CDH4: variants seen among roughly 807,000 people sequenced by gnomAD.
The protein encoded by CDH4 is cadherin 4.
In CDH4, 33 loss-of-function variants were observed where a neutral mutation model predicts 86.0. The observed-to-expected ratio is 0.38, with a 90% CI of 0.29 to 0.51. CDH4 has a LOEUF of 0.51. Ranked by LOEUF, CDH4 falls within the 20% of genes least tolerant of loss-of-function variation. The pLI, the probability that CDH4 is intolerant of heterozygous loss-of-function variation, is 0.86. For synonymous variants in CDH4, 555 were observed against 549.4 expected, an observed-to-expected ratio of 1.01 and a Z score of -0.14; for missense variants, 1,114 against 1,307.4, an observed-to-expected ratio of 0.85 and a Z score of 2.28.
At chr20:61,589,879 C>T (rs2086505163) in intron 2 of CDH4, among the ~76,000 whole-genome samples, 1 of 150,510 alleles carries the variant, frequency 6.6e-6, no homozygotes, top group Non-Finnish European at 1.5e-5. Flanking sequence ...CCAGACATTG[C>T]GTGGACAAAC....
In CDH4 at chr20:61,760,036, G is replaced by A. The variant is rs147324332; in HGVS notation, c.397-12967G>A. 3.3e-5 allele frequency among the ~76,000 whole-genome samples: 5 copies of A among 152,302 alleles called. No individual in the cohort carries two copies. In the East Asian group the frequency reaches 9.6e-4, roughly 29 times the overall value. On this transcript the variant is annotated intron_variant, in intron 3 of 15. Transcript: ENST00000614565. The stretch of plus-strand genomic sequence containing the variant: ...AACATTCTGGAACCTCCTTTCTTCT[G>A]CTAGACAGAAATACTTATCAACACC...
intron 2 of CDH4, among the ~76,000 whole-genome samples, chr20:61,270,991 C>T (rs763950657): frequency 3.3e-5 from 5 of 152,104 alleles, no homozygotes; most frequent in East Asian, 1.9e-4. Context: ...TTGGACCCTA[C>T]GGGGCAATGT....
At chr20:61,851,722 C>T (rs978279156) in intron 5 of CDH4, among the ~76,000 whole-genome samples, 1 of 152,176 alleles carries the variant, frequency 6.6e-6, no homozygotes, top group African/African-American at 2.4e-5. Flanking sequence ...CCTCGCCTGC[C>T]GGCAGCGCCC....
At chr20:61,409,956 A>G (rs2085107667) in intron 2 of CDH4, among the ~76,000 whole-genome samples, 1 of 152,140 alleles carries the variant, frequency 6.6e-6, no homozygotes, top group East Asian at 1.9e-4. Context: ...CAACTTCACC[A>G]CTTCTCCCAG....
chr20:61,562,334 C>T (rs1229472193), intron 2 of CDH4, among the ~76,000 whole-genome samples: 3 of 134,848 alleles, frequency 2.2e-5, no homozygotes, highest in Non-Finnish European at 1.6e-5. Flanking sequence ...AGGTGGACCC[C>T]AGGGCTCCCG....
chr20:61,666,318 A>C (rs1040237322), intron 2 of CDH4, among the ~76,000 whole-genome samples: 2 of 152,192 alleles, frequency 1.3e-5, no homozygotes, highest in Non-Finnish European at 2.9e-5. Flanking sequence ...ACGAACTTGA[A>C]ATTCACCTGA....
At chr20:61,268,395 G>T (rs759102809) in intron 2 of CDH4, among the ~76,000 whole-genome samples, 2 of 152,280 alleles carry the variant, frequency 1.3e-5, no homozygotes, top group Non-Finnish European at 2.9e-5. Context: ...ACACGGGGAG[G>T]CCCAGGCCAA....
intron 7 of CDH4, among the ~76,000 whole-genome samples, chr20:61,884,877 G>A (rs1313368268): frequency 6.6e-6 from 1 of 152,164 alleles, no homozygotes; most frequent in Non-Finnish European, 1.5e-5. Flanking sequence ...CCTGTAGCGG[G>A]AGGTGCGGGG....
At position 61,729,858 on chromosome 20, in the gene CDH4, G is replaced by A. The variant is rs545045175; in HGVS notation, c.170-13705G>A. Among the ~76,000 whole-genome samples the A allele has an allele frequency of 2.8e-3, 430 of 152,316 alleles. 2 individuals are homozygous for A. Among genetic ancestry groups the A allele is most frequent in the Non-Finnish European group, 4.4e-3 (297 of 68,028 alleles). ...GGGAGACGCAAGTTTAATATTTCCT[G>A]CCATAAATGAGACGGCAAGAGAGAG... On this transcript the variant is annotated intron_variant, in intron 2 of 15. Coordinates refer to ENST00000614565, the MANE Select transcript of CDH4 (RefSeq NM_001794.5).
chr20:61,331,913 T>A (rs2084583245), intron 2 of CDH4, among the ~76,000 whole-genome samples: 1 of 152,158 alleles, frequency 6.6e-6, no homozygotes, highest in Admixed American at 6.5e-5. Flanking sequence ...AAGCGTGTGT[T>A]GAGGGCATGA....
In CDH4 at chr20:61,923,146, C is replaced by T. The variant is rs149077399; in HGVS notation, c.1375-305C>T. 7.3e-3 allele frequency among the ~76,000 whole-genome samples: 1,112 copies of T among 152,298 alleles called. 3 individuals carry two copies. The highest frequency in any genetic ancestry group is 0.012 in the Non-Finnish European group (801 of 68,030). On this transcript the variant is annotated intron_variant, in intron 9 of 15. Transcript: ENST00000614565. ...GGGTTACCAGGCCAGGAAGAGGGGC[C>T]GCCCAGCGGGGGCTGCAGCCCCCCC... is the stretch of plus-strand genomic sequence containing the variant.
At chr20:61,707,921 C>G (rs1290890938) in intron 2 of CDH4, among the ~76,000 whole-genome samples, 1 of 152,134 alleles carries the variant, frequency 6.6e-6, no homozygotes, top group East Asian at 1.9e-4. Context: ...GTGTTTGTTT[C>G]CACGTTATGC....
chr20:61,553,514 G>T (rs938994085), intron 2 of CDH4, among the ~76,000 whole-genome samples: 1 of 152,226 alleles, frequency 6.6e-6, no homozygotes, highest in Non-Finnish European at 1.5e-5. Context: ...ATAAAGACGT[G>T]TGAACATCCT....
Position 61,565,366 on chromosome 20 carries a change from G to GTGGTGGTGGTCCTCTTGGTGATGGGGTGA in CDH4, c.170-178187_170-178159dup, listed in dbSNP as rs2086286629. On this transcript the variant is annotated intron_variant, in intron 2 of 15. Transcript: ENST00000614565. Reference sequence around the variant, plus strand: ...TGGTCCTCTTGGTGATGGGGTGATGGTGGTGGTGGTCCTCTTGGTGATGGG... The same window carrying GTGGTGGTGGTCCTCTTGGTGATGGGGTGA: ...TGGTCCTCTTGGTGATGGGGTGATGGTGGTGGTGGTCCTCTTGGTGATGGGGTGATGGTGGTGGTCCTCTTGGTGATGGG... Among the ~76,000 whole-genome samples, 2 of 39,638 alleles carry GTGGTGGTGGTCCTCTTGGTGATGGGGTGA rather than the reference G, an allele frequency of 5.0e-5. 1 individual carries two copies. The highest frequency in any genetic ancestry group is 1.9e-3 in the South Asian group (2 of 1,050). 26.0% of individuals were successfully genotyped at this position (39,638 alleles called of 152,430 possible).
intron 2 of CDH4, among the ~76,000 whole-genome samples, chr20:61,438,703 CA>C (rs1455082140): frequency 3.3e-5 from 5 of 151,544 alleles, no homozygotes; most frequent in Non-Finnish European, 5.9e-5. Context: ...TCTGTACTTC[CA>C]AAAAAAATAT....
chr20:61,934,231 C>T lies in CDH4; in HGVS notation c.2544+11C>T. On this transcript the variant is annotated intron_variant, in intron 15 of 15. Transcript: ENST00000614565. ...GACTTCATCAATGAGGTGTGTGCCT[C>T]TCGGCAGTGGGGGGCCCGGGCAAGG... 6.6e-7 allele frequency: 1 copy of T among 1,523,490 alleles called. No individual in the cohort carries two copies. Among genetic ancestry groups the T allele is most frequent in the Non-Finnish European group, 8.8e-7 (1 of 1,132,944 alleles). 94.4% of individuals were successfully genotyped at this position (1,523,490 alleles called of 1,614,324 possible).
intron 2 of CDH4, among the ~76,000 whole-genome samples, chr20:61,522,902 TAC>T (rs1269131819): frequency 1.3e-5 from 2 of 152,250 alleles, no homozygotes; most frequent in Non-Finnish European, 2.9e-5. Flanking sequence ...TGTTCTGCTG[TAC>T]ACAGAGTGCA....
intron 2 of CDH4, among the ~76,000 whole-genome samples, chr20:61,625,933 G>A (rs528198295): frequency 5.9e-5 from 9 of 152,328 alleles, no homozygotes; most frequent in East Asian, 5.8e-4. Context: ...GTCCCACCTC[G>A]TAGGGTTGCT....
At chr20:61,266,732 A>T (rs556140216) in intron 2 of CDH4, among the ~76,000 whole-genome samples, 28 of 151,594 alleles carry the variant, frequency 1.8e-4, no homozygotes, top group African/African-American at 6.8e-4. Flanking sequence ...TGGTCCAGGA[A>T]CTCCCTGCCT....
Sources: gnomAD v4.1 joint callset for allele counts (sites outside exome capture counted in the v4.1 genomes callset) on GRCh38, gnomAD v4.1.1 for gene constraint, MANE v1.5 for transcripts, NCBI Gene and HGNC (gene_info 2026-07-23, HGNC 2026-07-21) for gene names.